The following LRRC4C variants were observed in gnomAD, a reference collection of about 807,000 sequenced individuals.
LRRC4C encodes leucine-rich repeat-containing protein 4C.
In LRRC4C, 5 loss-of-function variants were observed where a neutral mutation model predicts 33.6. That is an observed-to-expected ratio of 0.15 (90% confidence interval 0.08 to 0.31). The LOEUF (loss-of-function observed/expected upper bound fraction) is 0.31. Among genes scored for constraint, LRRC4C ranks in the 10% least tolerant of loss-of-function variants. The pLI is 1.00. For synonymous variants in LRRC4C, 329 were observed against 302.0 expected (o/e 1.09, Z -0.93); for missense variants, 560 against 796.7 (o/e 0.70, Z 3.58).
chr11:41,281,084 T>TGTC (rs1555135147), intron 1 of LRRC4C, among the ~76,000 whole-genome samples: 19 of 95,720 alleles, frequency 2.0e-4, no homozygotes, highest in South Asian at 1.0e-3. Context: ...CTGTCCTCTC[T>TGTC]CTCTCTCTCT....
At chr11:40,577,705 C>T (rs1465468933) in intron 3 of LRRC4C, among the ~76,000 whole-genome samples, 1 of 152,006 alleles carries the variant, frequency 6.6e-6, no homozygotes, top group Non-Finnish European at 1.5e-5. Context: ...AACAAACAAG[C>T]AATAATAACA....
intron 1 of LRRC4C, among the ~76,000 whole-genome samples, chr11:41,068,778 C>CA (rs1938454826): frequency 6.6e-6 from 1 of 151,756 alleles, no homozygotes; most frequent in Non-Finnish European, 1.5e-5. Context: ...AACCAACAAC[C>CA]AAAAAACAAA....
At chr11:41,360,289 C>G (rs1006631541) in intron 1 of LRRC4C, among the ~76,000 whole-genome samples, 2 of 152,200 alleles carry the variant, frequency 1.3e-5, no homozygotes, top group Non-Finnish European at 2.9e-5. Context: ...ACACTGAGCT[C>G]TTCACTTTCC....
intron 4 of LRRC4C, among the ~76,000 whole-genome samples, chr11:40,249,852 A>G (rs1866638891): frequency 6.6e-6 from 1 of 152,186 alleles, no homozygotes; most frequent in Non-Finnish European, 1.5e-5. Flanking sequence ...AGAGGCACAG[A>G]CAGTATGATA....
At chr11:41,327,679 C>A (rs938854587) in intron 1 of LRRC4C, among the ~76,000 whole-genome samples, 1 of 152,260 alleles carries the variant, frequency 6.6e-6, no homozygotes, top group African/African-American at 2.4e-5. Flanking sequence ...ATGATCCCCA[C>A]GTGTCATGGG....
At chr11:40,309,806 C>T (rs1945213768) in intron 4 of LRRC4C, among the ~76,000 whole-genome samples, 1 of 152,128 alleles carries the variant, frequency 6.6e-6, no homozygotes, top group Admixed American at 6.5e-5. Flanking sequence ...CATGCCCCAC[C>T]AAAAGTATGA....
At chr11:40,479,071 C>A (rs1282179164) in intron 3 of LRRC4C, among the ~76,000 whole-genome samples, 2 of 152,104 alleles carry the variant, frequency 1.3e-5, no homozygotes, top group Admixed American at 1.3e-4. Context: ...GAGAATGGGG[C>A]TTGGACTGGA....
At chr11:41,242,226 C>A (rs982427648) in intron 1 of LRRC4C, among the ~76,000 whole-genome samples, 1 of 151,930 alleles carries the variant, frequency 6.6e-6, no homozygotes, top group Non-Finnish European at 1.5e-5. Flanking sequence ...TTTTGTATAG[C>A]CAAACCTATA....
intron 1 of LRRC4C, among the ~76,000 whole-genome samples, chr11:41,303,551 G>C (rs1343926571): frequency 2.2e-4 from 19 of 84,538 alleles, no homozygotes; most frequent in Non-Finnish European, 3.8e-4. Flanking sequence ...GCCGCCCATC[G>C]TCTGGGATGT....
chr11:40,126,058 TA>T (rs1410125946), intron 6 of LRRC4C, among the ~76,000 whole-genome samples: 1 of 151,292 alleles, frequency 6.6e-6, no homozygotes, highest in East Asian at 1.9e-4. Flanking sequence ...TAAATGGCTA[TA>T]ACCCAGTGAA....
intron 5 of LRRC4C, among the ~76,000 whole-genome samples, chr11:40,153,865 C>A (rs1448904757): frequency 6.6e-6 from 1 of 151,982 alleles, no homozygotes; most frequent in East Asian, 1.9e-4. Flanking sequence ...GCTCAGAAAA[C>A]ATATTTGGGG....
Position 40,247,114 on chromosome 11 carries a change from T to TC in LRRC4C, c.-175-5517_-175-5516insG, listed in dbSNP as rs1491175774. On this transcript the variant is annotated intron_variant, in intron 4 of 6. Transcript: ENST00000528697. Reference sequence around the variant, plus strand: ...GCCTGTAACTCCTTCCTTTTCTCTCTTTTTTTTTTTTTAACTAATTTAAAT... The same window carrying TC: ...GCCTGTAACTCCTTCCTTTTCTCTCTCTTTTTTTTTTTTAACTAATTTAAAT... 1.9e-3 allele frequency among the ~76,000 whole-genome samples: 220 copies of TC among 115,358 alleles called. 1 individual carries two copies. Among genetic ancestry groups the TC allele is most frequent in the South Asian group, 4.2e-3 (15 of 3,590 alleles). 75.7% of individuals were successfully genotyped at this position (115,358 alleles called of 152,430 possible).
intron 1 of LRRC4C, among the ~76,000 whole-genome samples, chr11:41,211,984 C>T (rs1046954506): frequency 3.3e-5 from 5 of 152,174 alleles, no homozygotes; most frequent in African/African-American, 1.2e-4. Context: ...ACATCCTCTC[C>T]AGCACCTGTT....
At chr11:40,947,726 C>G (rs926013490) in intron 1 of LRRC4C, among the ~76,000 whole-genome samples, 13 of 151,938 alleles carry the variant, frequency 8.6e-5, no homozygotes, top group African/African-American at 2.9e-4. Context: ...TCCCCTCACT[C>G]TTTTCTCTCC....
At chr11:40,432,650 A>G (rs1484260653) in intron 3 of LRRC4C, among the ~76,000 whole-genome samples, 2 of 152,160 alleles carry the variant, frequency 1.3e-5, no homozygotes, top group Non-Finnish European at 2.9e-5. Flanking sequence ...GAATGTATGG[A>G]TATCTTCATG....
intron 2 of LRRC4C, among the ~76,000 whole-genome samples, chr11:40,739,285 C>A (rs11036055): frequency 0.069 from 10,414 of 151,894 alleles, 596 homozygotes; most frequent in African/African-American, 0.16. Context: ...TTTTAGATTG[C>A]ACATACAAGT....
At chr11:40,508,903 G>C (rs1377866566) in intron 3 of LRRC4C, among the ~76,000 whole-genome samples, 43 of 151,910 alleles carry the variant, frequency 2.8e-4, no homozygotes, top group Admixed American at 2.8e-3. Flanking sequence ...ATTAAAATAA[G>C]GAAATACTAT....
intron 5 of LRRC4C, among the ~76,000 whole-genome samples, chr11:40,181,683 T>C (rs544061042): frequency 2.6e-5 from 4 of 152,306 alleles, no homozygotes; most frequent in Non-Finnish European, 4.4e-5. Context: ...ATGTGGGTAA[T>C]TGAATAGTTA....
chr11:40,861,210 C>T (rs921117011), intron 2 of LRRC4C, among the ~76,000 whole-genome samples: 2 of 151,972 alleles, frequency 1.3e-5, no homozygotes, highest in Non-Finnish European at 2.9e-5. Context: ...AAAGGAAATG[C>T]TAAGGCATCT....
Sources: allele counts gnomAD v4.1 joint callset (sites outside exome capture counted in the v4.1 genomes callset), GRCh38; gene constraint gnomAD v4.1.1; transcripts MANE v1.5; gene names NCBI Gene and HGNC (gene_info 2026-07-23, HGNC 2026-07-21).